The following FSD2 variants were observed in gnomAD, a reference collection of about 807,000 sequenced individuals.
The protein encoded by FSD2 is fibronectin type III and SPRY domain containing 2.
FSD2 carries 71 observed loss-of-function variants against 80.4 expected under a neutral mutation model. The ratio of observed to expected loss-of-function variants is 0.88; its 90% confidence interval spans 0.73 to 1.08. The LOEUF (loss-of-function observed/expected upper bound fraction) is 1.08, where lower values mean the gene tolerates loss of function less well. FSD2 is among the 50% of genes least tolerant of loss of function. The pLI is 0.00. For synonymous variants in FSD2, 361 were observed against 329.5 expected (o/e 1.10, Z -1.03); for missense variants, 923 against 913.8 (o/e 1.01, Z -0.13).
chr15:82,767,850 C>T (rs1596232504), intron 9 of FSD2, among the ~76,000 whole-genome samples: 2 of 152,170 alleles, frequency 1.3e-5, no homozygotes, highest in Admixed American at 6.6e-5. Context: ...ATCTGCTTCC[C>T]TAACAATTGA....
Position 82,778,769 on chromosome 15 carries a change from G to A in FSD2, c.1108C>T (p.Pro370Ser). Residue 370 changes from proline (P) to serine (S), a missense_variant, in exon 6 of 13, where the codon CCA (proline) becomes TCA (serine). Transcript: ENST00000334574. ...EQLMGSINTI[P>S]APSAPVINPQ... ...AAGTACACACACAGGTGAGCACCTGGAATGGTGTTAATGGAGCCCATCAGC... is the reference window on the plus strand; with the variant it reads ...AAGTACACACACAGGTGAGCACCTGAAATGGTGTTAATGGAGCCCATCAGC... 6.2e-7 allele frequency: 1 copy of A among 1,609,252 alleles called. No individual in the cohort carries two copies.
At chr15:82,795,511 A>G (rs551899493) in intron 1 of FSD2, among the ~76,000 whole-genome samples, 1 of 152,308 alleles carries the variant, frequency 6.6e-6, no homozygotes, top group East Asian at 1.9e-4. Flanking sequence ...ATTTATGGCT[A>G]TATCAGAGGA....
intron 1 of FSD2, among the ~76,000 whole-genome samples, chr15:82,801,712 A>G (rs1424402200): frequency 6.6e-6 from 1 of 152,196 alleles, no homozygotes; most frequent in Non-Finnish European, 1.5e-5. Context: ...AGACTTGGGA[A>G]CATCACTCTT....
chr15:82,800,709 A>AAAAAAAAAAAAAAAAAC, intron 1 of FSD2, among the ~76,000 whole-genome samples: 1 of 144,852 alleles, frequency 6.9e-6, no homozygotes, highest in African/African-American at 2.6e-5. Flanking sequence ...AAAAAAAAAA[A>AAAAAAAAAAAAAAAAAC]AAAAGCCCCT....
chr15:82,788,224 G>C (rs1431109459), intron 1 of FSD2, among the ~76,000 whole-genome samples: 2 of 151,960 alleles, frequency 1.3e-5, no homozygotes, highest in Admixed American at 1.3e-4. Context: ...GGCCTGGCGT[G>C]GTGGCTCATG....
chr15:82,770,964 TAATC>T (rs889823482), intron 7 of FSD2, among the ~76,000 whole-genome samples: 2 of 152,168 alleles, frequency 1.3e-5, no homozygotes, highest in Non-Finnish European at 2.9e-5. Context: ...AAGCTGGGGT[TAATC>T]AAGTCTGACT....
intron 5 of FSD2, among the ~76,000 whole-genome samples, chr15:82,779,932 T>C (rs12910279): frequency 0.79 from 120,544 of 151,904 alleles, 47,953 homozygotes; most frequent in East Asian, 0.84. Flanking sequence ...CCAGGCATAG[T>C]GGGGGGATGT....
At chr15:82,780,334 TTTC>T in intron 4 of FSD2, 67 bp from the exon 5 acceptor site, 3 of 1,206,814 alleles carry the variant, frequency 2.5e-6, no homozygotes, top group Non-Finnish European at 3.5e-6. Context: ...TTTTTCTTTC[TTTC>T]TTTTTTTTTT....
At position 82,759,291 on chromosome 15, in the gene FSD2, G is replaced by A. The variant is rs150119830; in HGVS notation, c.*57C>T. 197 of 1,578,092 alleles carry A rather than the reference G, an allele frequency of 1.2e-4. No homozygotes were observed. The highest frequency in any genetic ancestry group is 1.6e-4 in the Non-Finnish European group (188 of 1,162,364). Reference sequence around the variant, plus strand: ...AGTGCCAGGTTCAGCCAGCTAAGGCGTGAGCAGCTGCGAGAGGGGTAGGCA... The same window carrying A: ...AGTGCCAGGTTCAGCCAGCTAAGGCATGAGCAGCTGCGAGAGGGGTAGGCA... On this transcript the variant is annotated 3_prime_UTR_variant, in exon 13 of 13. Coordinates refer to ENST00000334574, the MANE Select transcript of FSD2 (RefSeq NM_001007122.4).
At chr15:82,762,465 A>G (rs2049315773) in intron 11 of FSD2, among the ~76,000 whole-genome samples, 187 bp from the exon 12 acceptor site, 1 of 152,168 alleles carries the variant, frequency 6.6e-6, no homozygotes, top group Admixed American at 6.5e-5. Flanking sequence ...TGAAGATTTG[A>G]GATTATGTTA....
chr15:82,761,408 G>A (rs576785517), intron 12 of FSD2, among the ~76,000 whole-genome samples: 13 of 152,284 alleles, frequency 8.5e-5, no homozygotes, highest in Middle Eastern at 3.4e-3. Flanking sequence ...CCAGCAGCAG[G>A]AGCAAACCAG....
chr15:82,781,147 T>C (rs970663235), intron 4 of FSD2, among the ~76,000 whole-genome samples: 1 of 152,254 alleles, frequency 6.6e-6, no homozygotes, highest in African/African-American at 2.4e-5. Context: ...TGTGAACAGT[T>C]AATGAATGGA....
At position 82,787,355 on chromosome 15, in the gene FSD2, G is replaced by A. The variant is rs201433863; in HGVS notation, c.36C>T (p.Asp12=). 45 of 1,612,178 alleles carry A rather than the reference G, an allele frequency of 2.8e-5. No individual in the cohort carries two copies. In the East Asian group the frequency reaches 9.6e-4, roughly 34 times the overall value. ...EEESGEELGL[D]RSTPKDFHFY... is the part of the protein sequence containing the mutation. ...AGTGGAAATCCTTGGGAGTAGACCTGTCCAGCCCCAGTTCCTCCCCCGATT... is the reference window on the plus strand; with the variant it reads ...AGTGGAAATCCTTGGGAGTAGACCTATCCAGCCCCAGTTCCTCCCCCGATT... The change falls in exon 2 of 13, where the codon GAC becomes GAT. Residue 12 remains aspartate (D), a synonymous_variant. Transcript: ENST00000334574.
chr15:82,778,659 T>A, intron 6 of FSD2, 107 bp downstream of exon 6: 1 of 1,289,694 alleles, frequency 7.8e-7, no homozygotes, highest in South Asian at 1.5e-5. Context: ...TTGTACACTT[T>A]AAAATTTGTT....
chr15:82,768,483 C>G (rs2049476032), intron 9 of FSD2, among the ~76,000 whole-genome samples: 1 of 152,102 alleles, frequency 6.6e-6, no homozygotes, highest in Non-Finnish European at 1.5e-5. Context: ...GTTTTCTTGC[C>G]TTTTGTCTAT....
chr15:82,798,066 C>T (rs1316525732), intron 1 of FSD2, among the ~76,000 whole-genome samples: 3 of 152,036 alleles, frequency 2.0e-5, no homozygotes, highest in Non-Finnish European at 4.4e-5. Flanking sequence ...AGGTCAGGTA[C>T]AGTGGCTGAC....
chr15:82,794,174 T>C (rs1328677251), intron 1 of FSD2, among the ~76,000 whole-genome samples: 1 of 152,142 alleles, frequency 6.6e-6, no homozygotes, highest in East Asian at 1.9e-4. Context: ...GTTTTCATGT[T>C]ATCTTCATGT....
intron 11 of FSD2, among the ~76,000 whole-genome samples, chr15:82,764,512 T>TTTTTTTTTTTTTTTTTTTTTAG: frequency 8.2e-6 from 1 of 121,914 alleles, no homozygotes; most frequent in Non-Finnish European, 1.7e-5. Flanking sequence ...TTTTTTTTTT[T>TTTTTTTTTTTTTTTTTTTTTAG]GAGAAGGAGT....
chr15:82,796,529 G>A (rs964188435), intron 1 of FSD2, among the ~76,000 whole-genome samples: 8 of 152,206 alleles, frequency 5.3e-5, no homozygotes, highest in Non-Finnish European at 8.8e-5. Flanking sequence ...CAATCACCCA[G>A]ACGAACTGTT....
Sources: allele counts gnomAD v4.1 joint callset (sites outside exome capture counted in the v4.1 genomes callset), GRCh38; gene constraint gnomAD v4.1.1; transcripts MANE v1.5; gene names NCBI Gene and HGNC (gene_info 2026-07-23, HGNC 2026-07-21).